WNK1: variants seen among roughly 807,000 people sequenced by gnomAD.
WNK1 encodes serine/threonine-protein kinase WNK1.
In WNK1, 38 loss-of-function variants were observed where a neutral mutation model predicts 222.8. The ratio of observed to expected loss-of-function variants is 0.17; its 90% CI spans 0.13 to 0.22. WNK1 has a LOEUF of 0.22. WNK1 is among the 10% of genes least tolerant of loss of function. The probability of loss-of-function intolerance (pLI) is 1.00; values close to 1 mark genes in which losing one functional copy is unlikely to be tolerated. For missense variants in WNK1, 2,348 were observed against 2,918.4 expected (o/e 0.80, Z 4.50); for synonymous variants, 1,090 against 1,092.9 (o/e 1.00, Z 0.05).
intron 2 of WNK1, among the ~76,000 whole-genome samples, chr12:824,894 TTAA>T (rs1355597868): frequency 1.3e-5 from 2 of 152,342 alleles, no homozygotes; most frequent in East Asian, 1.9e-4. Flanking sequence ...TACCATATTA[TTAA>T]TATGTCCATT....
chr12:813,643 A>G lies in WNK1; in HGVS notation c.761A>G (p.Asp254Gly). The change falls in exon 2 of 28, where the codon GAT becomes GGT. Residue 254 changes from aspartate to glycine, a missense_variant and splice_region_variant. Physicochemically the swap from Asp to Gly is moderately conservative, Grantham distance 94 (BLOSUM62 -1). This residue lies in a region of WNK1 where 57 missense variants were observed against 219.0 expected (regional missense o/e 0.26). Coordinates refer to ENST00000315939, the MANE Select transcript of WNK1 (RefSeq NM_018979.4). ...TTCTGTTTTGGTTTTTGATTTTAGG[A>G]TCGAAAATTAACAAAGTCTGAGAGG... ...TVEVAWCELQ[D>G]RKLTKSERQR... is the part of the protein sequence containing the mutation. The G allele has an allele frequency of 1.9e-6, 3 of 1,613,144 alleles. No individual in the cohort carries two copies. Among genetic ancestry groups the G allele is most frequent in the Non-Finnish European group, 2.5e-6 (3 of 1,179,794 alleles).
intron 4 of WNK1, chr12:851,567 G>A (rs1000217887): frequency 1.7e-6 from 2 of 1,192,090 alleles, no homozygotes; most frequent in African/African-American, 3.2e-5. Flanking sequence ...CATGGCTAGT[G>A]TTAAACAAGA....
rs1005659274 is a variant in WNK1, at chr12:827,520, T to G, written c.1153+258T>G. On this transcript the variant is annotated intron_variant, in intron 3 of 27. Transcript: ENST00000315939. This position sits in a 1 kb window ranked among gnomAD's most constrained non-coding sequence, Gnocchi z 4.6. Reference sequence around the variant, plus strand: ...GATAAAACCTAATGTAATAGCCTTTTTTGTTGTTGTTGTTGTTGTTGTTGT... The same window carrying G: ...GATAAAACCTAATGTAATAGCCTTTGTTGTTGTTGTTGTTGTTGTTGTTGT... The G allele has an allele frequency of 3.8e-5, 18 of 471,676 alleles. No homozygotes were observed. The highest frequency in any genetic ancestry group is 1.6e-4 in the African/African-American group (8 of 51,144). The allele number at this position is 471,676 out of a possible 1,614,324, so 29.2% of individuals were successfully genotyped here.
chr12:903,751 A>G (rs1168096066), intron 26 of WNK1, among the ~76,000 whole-genome samples: 1 of 152,184 alleles, frequency 6.6e-6, no homozygotes, highest in East Asian at 1.9e-4. Context: ...CCCAAGAGAC[A>G]TACTTGAAAT....
At position 795,892 on chromosome 12, in the gene WNK1, CCTT is replaced by C. The variant is rs574610836; in HGVS notation, c.760-17743_760-17741del. On this transcript the variant is annotated intron_variant, in intron 1 of 27. Transcript: ENST00000315939. ...TGGCTTAACAAGTATCTTCTTTTCT[CCTT>C]CTTCTTTTTGAGACAGAGTCACACT... Among the ~76,000 whole-genome samples, 576 of 152,126 alleles carry C rather than the reference CCTT, an allele frequency of 3.8e-3. 4 individuals carry two copies. The highest frequency in any genetic ancestry group is 0.013 in the African/African-American group (552 of 41,524).
intron 15 of WNK1, 97 bp from the exon 16 acceptor site, chr12:883,295 TAAA>T: frequency 1.4e-6 from 2 of 1,383,964 alleles, no homozygotes; most frequent in Middle Eastern, 4.7e-4. Context: ...ACAAAATAAA[TAAA>T]AATATAGGTA....
intron 17 of WNK1, 105 bp downstream of exon 17, chr12:883,936 G>A (rs548402511): frequency 1.1e-4 from 161 of 1,513,306 alleles, no homozygotes; most frequent in Non-Finnish European, 1.3e-4. Flanking sequence ...GCCGAGGCAC[G>A]AGAATCGCTT....
At chr12:785,411 C>G (rs1285695941) in intron 1 of WNK1, among the ~76,000 whole-genome samples, 1 of 73,090 alleles carries the variant, frequency 1.4e-5, no homozygotes, top group African/African-American at 3.6e-5. Flanking sequence ...CCCCCCCCCA[C>G]CCCCTCGAAG....
chr12:813,246 C>G (rs1389139991), intron 1 of WNK1, among the ~76,000 whole-genome samples: 1 of 152,034 alleles, frequency 6.6e-6, no homozygotes, highest in Admixed American at 6.6e-5. Flanking sequence ...AACAAACAAA[C>G]AAAAATAAAA....
intron 1 of WNK1, among the ~76,000 whole-genome samples, chr12:809,295 T>A (rs1946692327): frequency 6.8e-6 from 1 of 147,132 alleles, no homozygotes; most frequent in African/African-American, 2.5e-5. Context: ...GAATGATAGG[T>A]AAAAGTCTCC....
intron 8 of WNK1, chr12:869,135 A>T (rs1274784648): frequency 6.2e-7 from 1 of 1,611,798 alleles, no homozygotes; most frequent in South Asian, 1.1e-5. Flanking sequence ...ATTATTTTAA[A>T]CTACCCTACT....
Position 908,003 on chromosome 12 carries a change from G to A in WNK1, c.6800G>A (p.Arg2267Lys), listed in dbSNP as rs1955846249. 6.2e-7 allele frequency: 1 copy of A among 1,614,154 alleles called. No homozygotes were observed. The highest frequency in any genetic ancestry group is 8.5e-7 in the Non-Finnish European group (1 of 1,180,030). The stretch of plus-strand genomic sequence containing the variant: ...CGAGATGCCATGAATCTCTCAGGCA[G>A]GAGAGGAAGCAAAGGGCACATGAAT... ...WARDAMNLSG[R>K]RGSKGHMNYE... The change falls in exon 27 of 28, where the codon AGG becomes AAG. Residue 2267 changes from arginine to lysine, a missense_variant. Around this residue, in one of 13 missense-constraint regions of WNK1, gnomAD observed 55 missense variants for 104.1 expected, o/e 0.53. Coordinates refer to ENST00000315939, the MANE Select transcript of WNK1 (RefSeq NM_018979.4).
chr12:883,503 C>G lies in WNK1; in HGVS notation c.3598C>G (p.Pro1200Ala), dbSNP rs1341335274. Residue 1200 changes from proline (P) to alanine (A), a missense_variant, in exon 16 of 28, where the codon CCA becomes GCA. This residue lies in a region of WNK1 where 1,144 missense variants were observed against 1,273.6 expected (regional missense o/e 0.90). Transcript: ENST00000315939. The stretch of plus-strand genomic sequence containing the variant: ...GCTCAGTGAGGATGTCAGTGTGGAA[C>G]CAGAGGGTGATCAGGGATTGGAGAG... ...EMLSEDVSVEPEGDQGLESLQ... is the reference protein window; with the variant it reads ...EMLSEDVSVEAEGDQGLESLQ... 1 of 1,613,108 alleles carries G rather than the reference C, an allele frequency of 6.2e-7. No homozygotes were observed. Among genetic ancestry groups the G allele is most frequent in the Non-Finnish European group, 8.5e-7 (1 of 1,179,542 alleles).
At chr12:792,923 G>A (rs1369256386) in intron 1 of WNK1, among the ~76,000 whole-genome samples, 2 of 151,702 alleles carry the variant, frequency 1.3e-5, no homozygotes, top group African/African-American at 2.4e-5. Flanking sequence ...GACACAACTT[G>A]GATATAAATA....
intron 2 of WNK1, among the ~76,000 whole-genome samples, chr12:821,067 T>TG (rs1947838445): frequency 1.2e-5 from 1 of 83,384 alleles, no homozygotes; most frequent in African/African-American, 4.6e-5. Context: ...TTTTTTTTTT[T>TG]GGAAAGGTGT....
rs763976506 is a variant in WNK1 at position 889,204 on chromosome 12, C to G, written c.5429C>G (p.Thr1810Arg). ...AGAACACTTAGTCCAGAGATGATCA[C>G]AGTGACTTCTGCGGTTGGTGTAAGT... ...LRRTLSPEMI[T>R]VTSAVGPVSM... Residue 1810 changes from threonine (T) to arginine (R), a missense_variant, in exon 21 of 28, where the codon ACA (threonine) becomes AGA (arginine). Physicochemically the swap from Thr to Arg is moderately conservative, Grantham distance 71. Coordinates refer to ENST00000315939, the MANE Select transcript of WNK1 (RefSeq NM_018979.4). 1.9e-5 allele frequency: 31 copies of G among 1,614,050 alleles called. No individual in the cohort carries two copies. The highest frequency in any genetic ancestry group is 2.6e-5 in the Non-Finnish European group (31 of 1,179,932).
At chr12:826,840 T>G (rs1211911954) in intron 2 of WNK1, among the ~76,000 whole-genome samples, 1 of 151,418 alleles carries the variant, frequency 6.6e-6, no homozygotes, top group Non-Finnish European at 1.5e-5. Context: ...AAGACTTATT[T>G]TTCTGGGTCT....
chr12:886,543 G>C (rs1367532293), intron 19 of WNK1, among the ~76,000 whole-genome samples: 2 of 143,628 alleles, frequency 1.4e-5, no homozygotes, highest in Non-Finnish European at 3.1e-5. Flanking sequence ...TAAGGAAATT[G>C]ATACAGAGGA....
At position 861,351 on chromosome 12, in the gene WNK1, T is replaced by A. The variant is rs1267344739; in HGVS notation, c.1951+8T>A. 1.2e-6 allele frequency: 2 copies of A among 1,613,654 alleles called. No individual in the cohort carries two copies. Among genetic ancestry groups the A allele is most frequent in the African/African-American group, 2.7e-5 (2 of 74,916 alleles). ...CCAGTATATCTGTGTTATGTACGTATCTTGGGAAGTGGACAGATAGGCTAA... is the reference window on the plus strand; with the variant it reads ...CCAGTATATCTGTGTTATGTACGTAACTTGGGAAGTGGACAGATAGGCTAA... On this transcript the variant is annotated splice_region_variant and intron_variant, in intron 7 of 27. Transcript: ENST00000315939.
Sources: allele counts gnomAD v4.1 joint callset (sites outside exome capture counted in the v4.1 genomes callset), GRCh38; gene constraint gnomAD v4.1.1; regional missense constraint gnomAD v4.1.1; non-coding constraint Gnocchi (gnomAD v3.1); transcripts MANE v1.5; gene names NCBI Gene and HGNC (gene_info 2026-07-23, HGNC 2026-07-21).